USP16: variants seen among roughly 807,000 people sequenced by gnomAD.
USP16 encodes the protein ubiquitin specific peptidase 16.
Under a neutral mutation model 95.9 loss-of-function variants are expected in USP16, and 77 were observed. The ratio of observed to expected loss-of-function variants is 0.80; its 90% confidence interval spans 0.67 to 0.97. The LOEUF (loss-of-function observed/expected upper bound fraction) is 0.97, where lower values mean the gene tolerates loss of function less well. Among genes scored for constraint, USP16 ranks in the 50% least tolerant of loss-of-function variants. USP16 has a pLI of 0.00. For missense variants in USP16, 943 were observed against 959.9 expected (o/e 0.98, Z 0.23); for synonymous variants, 303 against 318.2 (o/e 0.95, Z 0.51).
intron 6 of USP16, 115 bp downstream of exon 6, chr21:29,037,578 A>AATT: frequency 1.6e-6 from 1 of 642,306 alleles, no homozygotes; most frequent in Non-Finnish European, 2.2e-6. Flanking sequence ...TCCAAAGAAA[A>AATT]CTTTTTTTTT....
At chr21:29,042,190 T>C in intron 11 of USP16, 86 bp downstream of exon 11, 5 of 1,210,906 alleles carry the variant, frequency 4.1e-6, no homozygotes, top group Non-Finnish European at 5.8e-6. Context: ...AATCTCTACC[T>C]TCATAGGATA....
At chr21:29,030,564 T>C in intron 2 of USP16, 31 bp from the exon 3 acceptor site, 4 of 1,526,866 alleles carry the variant, frequency 2.6e-6, no homozygotes, top group Non-Finnish European at 3.5e-6. Flanking sequence ...TTTGACCTTA[T>C]ATATTCCTTG....
At chr21:29,040,579 G>GTA (rs759510075) in intron 9 of USP16, 30 bp from the exon 10 acceptor site, 56 of 1,029,288 alleles carry the variant, frequency 5.4e-5, no homozygotes, top group South Asian at 1.7e-4. Context: ...AAATTTAATA[G>GTA]TATATATATA....
chr21:29,030,709 A>G lies in USP16; in HGVS notation c.176A>G (p.Asp59Gly), dbSNP rs2085065300. 1 of 1,614,002 alleles carries G rather than the reference A, an allele frequency of 6.2e-7. No individual in the cohort carries two copies. Among genetic ancestry groups the G allele is most frequent in the Non-Finnish European group, 8.5e-7 (1 of 1,179,966 alleles). ...QDCKTDNKVK[D>G]KAEEETEEKP... ...TGTAAGACTGACAATAAAGTGAAAG[A>G]TAAAGCTGAAGAAGAAACAGAAGAA... Residue 59 changes from aspartate (D) to glycine (G), a missense_variant, in exon 3 of 18, where the codon GAT becomes GGT. By Grantham distance (94) the Asp-to-Gly change is moderately conservative. Transcript: ENST00000399976.
At chr21:29,036,417 G>A in intron 5 of USP16, 43 bp downstream of exon 5, 1 of 1,553,506 alleles carries the variant, frequency 6.4e-7, no homozygotes, top group Non-Finnish European at 8.9e-7. Context: ...ATGTCGATTT[G>A]TGTATCTGCT....
At chr21:29,040,219 C>G (rs140152640) in intron 9 of USP16, among the ~76,000 whole-genome samples, 46 of 152,208 alleles carry the variant, frequency 3.0e-4, no homozygotes, top group Non-Finnish European at 4.6e-4. Context: ...TAGAGAAGTT[C>G]AGTACCTAGT....
chr21:29,036,255 G>T lies in USP16; in HGVS notation c.345-16G>T. 2 of 1,583,546 alleles carry T rather than the reference G, an allele frequency of 1.3e-6. No homozygotes were observed. ...TGTCATTTTGTCATTTTTCATCTCT[G>T]ATTTTTGGGTCACAGGTGTTACGTA... is the stretch of plus-strand genomic sequence containing the variant. On this transcript the variant is annotated splice_polypyrimidine_tract_variant and intron_variant, in intron 4 of 17. Coordinates refer to ENST00000399976, the MANE Select transcript of USP16 (RefSeq NM_006447.3).
At position 29,027,978 on chromosome 21, in the gene USP16, T is replaced by C. The variant is rs756288725; in HGVS notation, c.61+4T>C. The C allele has an allele frequency of 3.1e-6, 5 of 1,602,352 alleles. No individual in the cohort carries two copies. Among genetic ancestry groups the C allele is most frequent in the Middle Eastern group, 3.3e-4 (2 of 6,064 alleles). On this transcript the variant is annotated splice_donor_region_variant and intron_variant, in intron 2 of 17. Transcript: ENST00000399976. ...GATGATTCCTCTGAAACTTTAGGTA[T>C]ATTTCATTGATTGAATCTTTAATGT...
At chr21:29,032,480 C>G (rs1031603051) in intron 3 of USP16, among the ~76,000 whole-genome samples, 3 of 152,184 alleles carry the variant, frequency 2.0e-5, no homozygotes, top group East Asian at 1.9e-4. Flanking sequence ...GATCTACCCC[C>G]CTGGGCCTCC....
In USP16 at chr21:29,036,792, T is replaced by C. The variant is rs111437197; in HGVS notation, c.448+418T>C. Among the ~76,000 whole-genome samples, 805 of 152,390 alleles carry C rather than the reference T, an allele frequency of 5.3e-3. 7 individuals are homozygous for C. The highest frequency in any genetic ancestry group is 0.018 in the African/African-American group (766 of 41,592). On this transcript the variant is annotated intron_variant, in intron 5 of 17. Coordinates refer to ENST00000399976, the MANE Select transcript of USP16 (RefSeq NM_006447.3). ...TCCATGCATAATTAAATTAATTGGC[T>C]GACATACAGCATTTGCTTTAAGCAT... is the stretch of plus-strand genomic sequence containing the variant.
intron 13 of USP16, among the ~76,000 whole-genome samples, chr21:29,046,204 A>C (rs1226838477): frequency 6.6e-6 from 1 of 152,174 alleles, no homozygotes; most frequent in Non-Finnish European, 1.5e-5. Flanking sequence ...GTGCATGATC[A>C]TACCTCACAG....
chr21:29,037,648 C>T (rs544324166), intron 6 of USP16, among the ~76,000 whole-genome samples, 185 bp downstream of exon 6: 6 of 141,046 alleles, frequency 4.3e-5, no homozygotes, highest in East Asian at 4.2e-4. Flanking sequence ...TGCAGTGGCA[C>T]GATCGTGGCT....
intron 10 of USP16, 103 bp downstream of exon 10, chr21:29,040,790 A>G (rs1601059351): frequency 6.0e-6 from 3 of 500,860 alleles, no homozygotes; most frequent in East Asian, 7.8e-5. Flanking sequence ...TTATTAATGT[A>G]TAATTTCTCT....
chr21:29,054,258 G>T lies in USP16; in HGVS notation c.*71G>T. 4 of 1,515,510 alleles carry T rather than the reference G, an allele frequency of 2.6e-6. No homozygotes were observed. The highest frequency in any genetic ancestry group is 3.6e-6 in the Non-Finnish European group (4 of 1,111,570). The allele number at this position is 1,515,510 out of a possible 1,614,324, so 93.9% of individuals were successfully genotyped here. A position where few individuals can be genotyped will look rare whatever the true frequency, so the allele number is the denominator to read the frequency against. On this transcript the variant is annotated 3_prime_UTR_variant, in exon 18 of 18. Transcript: ENST00000399976. ...AATGGCTGAAATAACGATAAAAAAAGACTAATTAAAATCATGTTCACTTAA... is the reference window on the plus strand; with the variant it reads ...AATGGCTGAAATAACGATAAAAAAATACTAATTAAAATCATGTTCACTTAA...
intron 6 of USP16, 56 bp downstream of exon 6, chr21:29,037,519 C>A: frequency 7.4e-7 from 1 of 1,347,026 alleles, no homozygotes; most frequent in Non-Finnish European, 9.8e-7. Context: ...ATAGAATCTG[C>A]TACTTACATT....
chr21:29,050,255 A>G, intron 16 of USP16, 77 bp downstream of exon 16: 1 of 1,298,332 alleles, frequency 7.7e-7, no homozygotes, highest in East Asian at 2.4e-5. Flanking sequence ...GTAGCAACTC[A>G]CTTAAGTATG....
In USP16 at chr21:29,038,340, G is replaced by A; in HGVS notation, c.642G>A (p.Leu214=). The A allele has an allele frequency of 6.2e-7, 1 of 1,603,986 alleles. No individual in the cohort carries two copies. Residue 214 remains leucine, a synonymous_variant, in exon 7 of 18, where the codon TTG becomes TTA. Coordinates refer to ENST00000399976, the MANE Select transcript of USP16 (RefSeq NM_006447.3). Reference sequence around the variant, plus strand: ...TTTTTCACCCTACATTCTAGAACTTGTCACAAACACCAGTGCTTAGAGAAC... The same window carrying A: ...TTTTTCACCCTACATTCTAGAACTTATCACAAACACCAGTGCTTAGAGAAC... ...TCFFNAVMQN[L]SQTPVLRELL...
At chr21:29,038,216 G>T (rs894063561) in intron 6 of USP16, 119 bp from the exon 7 acceptor site, 3 of 643,328 alleles carry the variant, frequency 4.7e-6, no homozygotes, top group Non-Finnish European at 8.0e-6. Flanking sequence ...CATTTTCCAA[G>T]TATAGAGTTT....
At chr21:29,042,380 C>G (rs1044592927) in intron 11 of USP16, 92 bp from the exon 12 acceptor site, 27 of 1,254,476 alleles carry the variant, frequency 2.2e-5, no homozygotes, top group Non-Finnish European at 3.0e-5. Context: ...TAAAACCCAT[C>G]CCCTACTCCC....
Sources: gnomAD v4.1 joint callset for allele counts (sites outside exome capture counted in the v4.1 genomes callset) on GRCh38, gnomAD v4.1.1 for gene constraint, MANE v1.5 for transcripts, NCBI Gene and HGNC (gene_info 2026-07-23, HGNC 2026-07-21) for gene names.